STXBP5L: variants seen among roughly 807,000 people sequenced by gnomAD.
STXBP5L encodes syntaxin binding protein 5L.
In STXBP5L, 65 loss-of-function variants were observed where a neutral mutation model predicts 144.5. The observed-to-expected ratio is 0.45, with a 90% CI of 0.37 to 0.55. STXBP5L has a LOEUF of 0.55. Among genes scored for constraint, STXBP5L ranks in the 20% least tolerant of loss-of-function variants. STXBP5L has a pLI of 0.00. For synonymous variants in STXBP5L, 505 were observed against 469.6 expected, an observed-to-expected ratio of 1.08 and a Z score of -0.97; for missense variants, 1,298 against 1,405.5, an observed-to-expected ratio of 0.92 and a Z score of 1.22.
At chr3:121,124,133 G>C (rs1386512685) in intron 7 of STXBP5L, among the ~76,000 whole-genome samples, 1 of 151,818 alleles carries the variant, frequency 6.6e-6, no homozygotes, top group Non-Finnish European at 1.5e-5. Context: ...CATATATCAA[G>C]TTCCAATATT....
intron 3 of STXBP5L, among the ~76,000 whole-genome samples, chr3:121,030,643 C>T (rs1032967163): frequency 6.6e-6 from 1 of 152,050 alleles, no homozygotes; most frequent in Non-Finnish European, 1.5e-5. Flanking sequence ...CAAACCAGCA[C>T]GTTCTGCACC....
chr3:121,345,344 C>A (rs948601033), intron 20 of STXBP5L, among the ~76,000 whole-genome samples: 2 of 152,016 alleles, frequency 1.3e-5, no homozygotes, highest in African/African-American at 4.8e-5. Flanking sequence ...TGAACTCATC[C>A]TTTTTATGAC....
At chr3:121,366,871 A>G (rs1299561961) in intron 20 of STXBP5L, among the ~76,000 whole-genome samples, 2 of 152,044 alleles carry the variant, frequency 1.3e-5, no homozygotes, top group Admixed American at 6.6e-5. Context: ...TGACTGTTAA[A>G]TGGGATGTTT....
At chr3:120,984,056 C>A (rs1942058446) in intron 3 of STXBP5L, among the ~76,000 whole-genome samples, 1 of 152,114 alleles carries the variant, frequency 6.6e-6, no homozygotes, top group Non-Finnish European at 1.5e-5. Flanking sequence ...TCCTAGTTCA[C>A]CCCGGATGAT....
chr3:121,390,224 G>A (rs1436676048), intron 22 of STXBP5L, among the ~76,000 whole-genome samples: 1 of 151,452 alleles, frequency 6.6e-6, no homozygotes, highest in Non-Finnish European at 1.5e-5. Context: ...CTCTTTTTTT[G>A]CTTTCTATTT....
At chr3:121,357,192 A>C (rs1012770096) in intron 20 of STXBP5L, 2 of 208,142 alleles carry the variant, frequency 9.6e-6, no homozygotes, top group South Asian at 1.0e-4. Flanking sequence ...TATCATTTGC[A>C]TGAGTCAGAA....
intron 20 of STXBP5L, among the ~76,000 whole-genome samples, chr3:121,352,110 G>C (rs1490084805): frequency 6.6e-6 from 1 of 152,112 alleles, no homozygotes; most frequent in East Asian, 1.9e-4. Flanking sequence ...TTTGAAGTCA[G>C]GTAGCATGAT....
At chr3:121,325,241 T>C (rs1208570721) in intron 20 of STXBP5L, among the ~76,000 whole-genome samples, 1 of 152,096 alleles carries the variant, frequency 6.6e-6, no homozygotes, top group Non-Finnish European at 1.5e-5. Flanking sequence ...GTGTGAACTA[T>C]TAATGTTCTA....
At chr3:121,146,601 C>T (rs2045719108) in intron 7 of STXBP5L, among the ~76,000 whole-genome samples, 1 of 151,004 alleles carries the variant, frequency 6.6e-6, no homozygotes, top group South Asian at 2.1e-4. Context: ...ACAAGAGATA[C>T]ATTTTAAACT....
At chr3:121,323,076 G>A (rs1024265070) in intron 20 of STXBP5L, among the ~76,000 whole-genome samples, 1 of 152,070 alleles carries the variant, frequency 6.6e-6, no homozygotes, top group Non-Finnish European at 1.5e-5. Flanking sequence ...TAACTTCCTT[G>A]TAGATTCTGG....
rs556299673 is a variant in STXBP5L at position 121,063,573 on chromosome 3, T to G, written c.470+18038T>G. Among the ~76,000 whole-genome samples the G allele has an allele frequency of 1.9e-4, 29 of 152,322 alleles. 2 individuals carry two copies. The South Asian group carries it at 6.0e-3, about 32-fold the overall frequency. The stretch of plus-strand genomic sequence containing the variant: ...ACTAGCAGCCAGGAATGTTTAAGTC[T>G]GCTGAAGCTGCGCCAACACCCGCTC... On this transcript the variant is annotated intron_variant, in intron 5 of 26. Coordinates refer to ENST00000471454, the MANE Select transcript of STXBP5L (RefSeq NM_001308330.2).
At chr3:120,990,634 A>G (rs1485427407) in intron 3 of STXBP5L, among the ~76,000 whole-genome samples, 2 of 152,102 alleles carry the variant, frequency 1.3e-5, no homozygotes, top group Non-Finnish European at 2.9e-5. Context: ...AAACAGAGAT[A>G]TAGACCAATG....
chr3:120,973,767 C>G (rs1016163946), intron 3 of STXBP5L, among the ~76,000 whole-genome samples: 1 of 141,284 alleles, frequency 7.1e-6, no homozygotes, highest in Non-Finnish European at 1.5e-5. Flanking sequence ...TTGTTCAATT[C>G]CCACCTATGA....
At chr3:121,089,092 T>TAAAAAA (rs375977537) in intron 5 of STXBP5L, among the ~76,000 whole-genome samples, 7 of 56,144 alleles carry the variant, frequency 1.2e-4, no homozygotes, top group Middle Eastern at 0.022. Context: ...TAGAGTATAA[T>TAAAAAA]AAAAAAAAAA....
intron 19 of STXBP5L, among the ~76,000 whole-genome samples, chr3:121,304,413 G>A (rs1381233470): frequency 6.6e-6 from 1 of 152,076 alleles, no homozygotes; most frequent in Non-Finnish European, 1.5e-5. Flanking sequence ...CAATGCAATT[G>A]AAAATACAAA....
At chr3:121,026,883 C>T (rs1281145551) in intron 3 of STXBP5L, among the ~76,000 whole-genome samples, 1 of 151,570 alleles carries the variant, frequency 6.6e-6, no homozygotes, top group African/African-American at 2.4e-5. Context: ...TTCTAGGTTG[C>T]ACTACAAAAA....
intron 5 of STXBP5L, among the ~76,000 whole-genome samples, chr3:121,092,884 T>C (rs2042891194): frequency 6.6e-6 from 1 of 152,228 alleles, no homozygotes; most frequent in South Asian, 2.1e-4. Flanking sequence ...TATTTGCCCA[T>C]TCAGTATGAT....
intron 20 of STXBP5L, among the ~76,000 whole-genome samples, chr3:121,363,147 C>A (rs2045763586): frequency 6.6e-6 from 1 of 152,072 alleles, no homozygotes; most frequent in Non-Finnish European, 1.5e-5. Flanking sequence ...TCTCTCCTGT[C>A]CTTAATCAGA....
intron 18 of STXBP5L, among the ~76,000 whole-genome samples, chr3:121,259,590 C>T (rs2050321141): frequency 6.6e-6 from 1 of 152,170 alleles, no homozygotes; most frequent in East Asian, 1.9e-4. Flanking sequence ...CTAGACCTTA[C>T]ATTTGATTAT....
Sources: gnomAD v4.1 joint callset for allele counts (sites outside exome capture counted in the v4.1 genomes callset) on GRCh38, gnomAD v4.1.1 for gene constraint, MANE v1.5 for transcripts, NCBI Gene and HGNC (gene_info 2026-07-23, HGNC 2026-07-21) for gene names.